Variants in EDA observed in about 807,000 individuals in gnomAD.
EDA encodes ectodysplasin A, also known as ectodysplasin-A.
EDA carries 2 observed loss-of-function variants against 23.6 expected under a neutral mutation model. The observed-to-expected ratio is 0.08, with a 90% CI of 0.03 to 0.27. The LOEUF is 0.27. EDA is among the 10% of genes least tolerant of loss of function. EDA has a pLI of 1.00. For synonymous variants in EDA, 131 were observed against 132.0 expected (o/e 0.99, Z 0.05); for missense variants, 229 against 324.2 (o/e 0.71, Z 2.26).
At chrX:69,915,237 G>T (rs1967507840) in intron 1 of EDA, among the ~76,000 whole-genome samples, 1 of 111,305 alleles carries the variant, frequency 9.0e-6, no homozygotes, top group Non-Finnish European at 1.9e-5. Context: ...TATGTCCTCT[G>T]TAATCTTAAA....
chrX:69,865,214 A>G (rs1373098397), intron 1 of EDA, among the ~76,000 whole-genome samples: 1 of 110,748 alleles, frequency 9.0e-6, no homozygotes, highest in African/African-American at 3.3e-5. Flanking sequence ...AAAAGAATTT[A>G]AAAAATGAAT....
chrX:69,843,293 A>G (rs1286844356), intron 1 of EDA, among the ~76,000 whole-genome samples: 2 of 112,117 alleles, frequency 1.8e-5, no homozygotes, highest in East Asian at 5.6e-4. Context: ...ATACATACAG[A>G]TAATGAAATA....
intron 1 of EDA, among the ~76,000 whole-genome samples, chrX:69,778,969 G>A: frequency 9.0e-6 from 1 of 111,512 alleles, no homozygotes; most frequent in Middle Eastern, 4.6e-3. Context: ...TGTGTAAGTA[G>A]CCATACACAG....
chrX:69,935,183 T>C (rs1365634529), intron 1 of EDA, among the ~76,000 whole-genome samples: 1 of 112,425 alleles, frequency 8.9e-6, no homozygotes, highest in Non-Finnish European at 1.9e-5. Context: ...TCTTTATCCA[T>C]TCATCTGTTG....
intron 1 of EDA, among the ~76,000 whole-genome samples, chrX:69,888,978 T>TTATATATATGTATATA (rs2017876254): frequency 6.2e-5 from 1 of 16,030 alleles, no homozygotes; most frequent in Non-Finnish European, 1.0e-4. Flanking sequence ...TGTGGGGTAG[T>TTATATATATGTATATA]TATATATATA....
Position 69,938,023 on chromosome X carries a change from G to C in EDA, c.397-19004G>C, listed in dbSNP as rs61741676. 5,070 of 1,154,791 alleles carry C rather than the reference G, an allele frequency of 4.4e-3. 11 individuals are homozygous for C. The highest frequency in any genetic ancestry group is 5.2e-3 in the Non-Finnish European group (4,459 of 850,286). Reference sequence around the variant, plus strand: ...TGTACAGTTGCTGCTGGCATAGTGAGGGCACAAGGGAGTCTAGATGCCAAG... The same window carrying C: ...TGTACAGTTGCTGCTGGCATAGTGACGGCACAAGGGAGTCTAGATGCCAAG... On this transcript the variant is annotated intron_variant, in intron 1 of 7. Coordinates refer to ENST00000374552, the MANE Select transcript of EDA (RefSeq NM_001399.5).
chrX:69,783,928 T>C (rs1248994413), intron 1 of EDA, among the ~76,000 whole-genome samples: 16 of 104,652 alleles, frequency 1.5e-4, no homozygotes, highest in African/African-American at 4.8e-4. Flanking sequence ...AGTGTTCCTA[T>C]TTCTCCACAT....
At chrX:69,660,727 AATC>A (rs1933465720) in intron 1 of EDA, among the ~76,000 whole-genome samples, 1 of 111,488 alleles carries the variant, frequency 9.0e-6, no homozygotes, top group Non-Finnish European at 1.9e-5. Flanking sequence ...ACATTTTCTT[AATC>A]TAGTCTATCA....
intron 1 of EDA, among the ~76,000 whole-genome samples, chrX:69,664,989 T>G (rs935417350): frequency 8.9e-6 from 1 of 112,238 alleles, no homozygotes; most frequent in Non-Finnish European, 1.9e-5. Flanking sequence ...TTTTGACTTT[T>G]TGATAATAGC....
chrX:70,027,791 C>A, intron 3 of EDA, 66 bp from the exon 4 acceptor site: 1 of 541,510 alleles, frequency 1.8e-6, no homozygotes, highest in Non-Finnish European at 3.2e-6. Context: ...CCACTGAACT[C>A]CAGCCTGGGC....
At chrX:69,673,629 T>A (rs767292881) in intron 1 of EDA, among the ~76,000 whole-genome samples, 1 of 111,998 alleles carries the variant, frequency 8.9e-6, no homozygotes, top group Non-Finnish European at 1.9e-5. Context: ...TGGTGTGAGG[T>A]GAATATATTC....
At chrX:69,785,785 T>G (rs1482360197) in intron 1 of EDA, among the ~76,000 whole-genome samples, 13 of 106,448 alleles carry the variant, frequency 1.2e-4, no homozygotes, top group Admixed American at 4.0e-4. Flanking sequence ...CCGGCTTTGG[T>G]ATCAGGATGA....
At chrX:69,651,002 A>C (rs1199841391) in intron 1 of EDA, among the ~76,000 whole-genome samples, 3 of 111,302 alleles carry the variant, frequency 2.7e-5, no homozygotes, top group African/African-American at 9.8e-5. Flanking sequence ...AGGCAAGATG[A>C]GATTGTAAAG....
At chrX:69,740,710 CATT>C (rs773098866) in intron 1 of EDA, among the ~76,000 whole-genome samples, 1 of 110,393 alleles carries the variant, frequency 9.1e-6, no homozygotes, top group East Asian at 2.8e-4. Flanking sequence ...TGTTTTTTAA[CATT>C]ATTTTTTCTA....
At chrX:69,819,389 A>G (rs1002636552) in intron 1 of EDA, among the ~76,000 whole-genome samples, 10 of 112,001 alleles carry the variant, frequency 8.9e-5, no homozygotes, top group African/African-American at 3.2e-4. Context: ...CAAGAGAAAG[A>G]AAGGAAGAAA....
At chrX:69,701,710 C>T (rs780911300) in intron 1 of EDA, among the ~76,000 whole-genome samples, 24 of 111,057 alleles carry the variant, frequency 2.2e-4, no homozygotes, top group Non-Finnish European at 4.2e-4. Context: ...TTCAGTTAAA[C>T]GAGAGAGAAA....
Position 69,654,934 on chromosome X carries a change from A to G in EDA, c.396+38230A>G, listed in dbSNP as rs185961088. ...GCACATTGTGCACATGTACCCTAAA[A>G]CTTGAAGTATAATAACAATACAATT... On this transcript the variant is annotated intron_variant, in intron 1 of 7. Coordinates refer to ENST00000374552, the MANE Select transcript of EDA (RefSeq NM_001399.5). Among the ~76,000 whole-genome samples, 13 of 109,429 alleles carry G rather than the reference A, an allele frequency of 1.2e-4. No homozygotes were observed. In the East Asian group the frequency reaches 3.4e-3, roughly 29 times the overall value.
At chrX:69,704,877 G>A (rs913797034) in intron 1 of EDA, among the ~76,000 whole-genome samples, 2 of 110,358 alleles carry the variant, frequency 1.8e-5, no homozygotes, top group Non-Finnish European at 3.8e-5. Flanking sequence ...TATGTATATC[G>A]GTATACATAT....
chrX:69,898,806 A>G (rs747869784), intron 1 of EDA, among the ~76,000 whole-genome samples: 3 of 112,273 alleles, frequency 2.7e-5, no homozygotes, highest in Non-Finnish European at 3.8e-5. Context: ...TTTCCTTCAC[A>G]TAGTGACAAA....
Sources: allele counts gnomAD v4.1 joint callset (sites outside exome capture counted in the v4.1 genomes callset), GRCh38; gene constraint gnomAD v4.1.1; transcripts MANE v1.5; gene names NCBI Gene and HGNC (gene_info 2026-07-23, HGNC 2026-07-21).